The following NDST4 variants were observed in gnomAD, a reference collection of about 807,000 sequenced individuals.
NDST4 encodes N-deacetylase and N-sulfotransferase 4, also known as N-heparan sulfate sulfotransferase 4.
A neutral mutation model predicts 100.8 loss-of-function variants in NDST4; 63 were observed. That is an observed-to-expected ratio of 0.62 (90% confidence interval 0.51 to 0.77). The LOEUF is 0.77. NDST4 is among the 30% of genes least tolerant of loss of function. NDST4 has a pLI of 0.00. For missense variants in NDST4, 943 were observed against 1,018.4 expected (o/e 0.93, Z 1.01); for synonymous variants, 377 against 361.8 (o/e 1.04, Z -0.48).
At chr4:115,035,608 CTG>C (rs1385410722) in intron 2 of NDST4, among the ~76,000 whole-genome samples, 2 of 151,906 alleles carry the variant, frequency 1.3e-5, no homozygotes, top group Admixed American at 6.6e-5. Context: ...AAAATACATG[CTG>C]TGTTATTTAA....
At chr4:114,906,229 A>G (rs951056061) in intron 6 of NDST4, among the ~76,000 whole-genome samples, 2 of 152,050 alleles carry the variant, frequency 1.3e-5, no homozygotes, top group African/African-American at 4.8e-5. Flanking sequence ...AGATAGACTT[A>G]GTCATATTTA....
intron 7 of NDST4, among the ~76,000 whole-genome samples, chr4:114,858,527 C>G (rs765485766): frequency 7.9e-5 from 12 of 152,212 alleles, no homozygotes; most frequent in Admixed American, 2.6e-4. Flanking sequence ...TTGAAAGATA[C>G]AGTTGAGGTA....
At chr4:114,847,200 C>A (rs1416991098) in intron 9 of NDST4, among the ~76,000 whole-genome samples, 1 of 134,680 alleles carries the variant, frequency 7.4e-6, no homozygotes, top group Non-Finnish European at 1.5e-5. Flanking sequence ...AACGGTGAAA[C>A]CCCGTCTCTA....
At chr4:115,099,050 A>G (rs1729677450) in intron 1 of NDST4, among the ~76,000 whole-genome samples, 1 of 152,212 alleles carries the variant, frequency 6.6e-6, no homozygotes, top group African/African-American at 2.4e-5. Context: ...TGCAATGCAG[A>G]AAGGATAGCC....
At chr4:114,845,027 A>G (rs1723513345) in intron 10 of NDST4, among the ~76,000 whole-genome samples, 1 of 150,872 alleles carries the variant, frequency 6.6e-6, no homozygotes, top group South Asian at 2.1e-4. Context: ...AATTGTTGTC[A>G]AGATACTAAA....
At chr4:114,958,912 T>G (rs1231743863) in intron 4 of NDST4, among the ~76,000 whole-genome samples, 1 of 152,180 alleles carries the variant, frequency 6.6e-6, no homozygotes, top group Non-Finnish European at 1.5e-5. Flanking sequence ...TGAATAAAAC[T>G]GAATGATTTT....
intron 2 of NDST4, among the ~76,000 whole-genome samples, chr4:115,025,156 A>G (rs923515485): frequency 1.3e-5 from 2 of 152,060 alleles, no homozygotes; most frequent in Non-Finnish European, 2.9e-5. Flanking sequence ...GACCCCACAA[A>G]TCTCCCTTAG....
intron 1 of NDST4, among the ~76,000 whole-genome samples, chr4:115,079,457 G>A (rs1729257828): frequency 1.3e-5 from 2 of 151,206 alleles, no homozygotes; most frequent in African/African-American, 4.9e-5. Flanking sequence ...AGATGATTCT[G>A]ACTTCAATGA....
chr4:114,962,484 A>T (rs1355760570), intron 4 of NDST4, among the ~76,000 whole-genome samples: 1 of 152,084 alleles, frequency 6.6e-6, no homozygotes, highest in East Asian at 1.9e-4. Flanking sequence ...TACAAGAGCC[A>T]TATACAAATA....
intron 2 of NDST4, among the ~76,000 whole-genome samples, chr4:115,038,172 A>G (rs28633393): frequency 0.095 from 14,395 of 152,234 alleles, 2,093 homozygotes; most frequent in African/African-American, 0.31. Context: ...ACGAGGAAGT[A>G]AGAAACTATA....
intron 6 of NDST4, among the ~76,000 whole-genome samples, chr4:114,909,932 G>A (rs1725030599): frequency 6.6e-6 from 1 of 152,058 alleles, no homozygotes; most frequent in African/African-American, 2.4e-5. Flanking sequence ...GAGCTCTTCT[G>A]GGTTGGCATA....
intron 2 of NDST4, among the ~76,000 whole-genome samples, chr4:115,061,583 T>C (rs917649089): frequency 1.3e-5 from 2 of 151,386 alleles, no homozygotes; most frequent in Non-Finnish European, 2.9e-5. Context: ...TGAAAACACA[T>C]TGACACAGGG....
chr4:115,050,457 G>A (rs754068558), intron 2 of NDST4, among the ~76,000 whole-genome samples: 1 of 151,772 alleles, frequency 6.6e-6, no homozygotes, highest in African/African-American at 2.4e-5. Flanking sequence ...TGTTTAGAAT[G>A]TAAGATTGTT....
chr4:115,106,919 C>T (rs1389729058), intron 1 of NDST4, among the ~76,000 whole-genome samples: 1 of 152,072 alleles, frequency 6.6e-6, no homozygotes. Context: ...CTTTGTCAGG[C>T]TGAGGTAGGA....
chr4:115,030,480 C>G (rs1428987469), intron 2 of NDST4, among the ~76,000 whole-genome samples: 1 of 152,060 alleles, frequency 6.6e-6, no homozygotes, highest in East Asian at 1.9e-4. Context: ...GTCATCTTGA[C>G]AGGAACCATA....
At chr4:115,092,690 C>G (rs923099881) in intron 1 of NDST4, among the ~76,000 whole-genome samples, 1 of 151,932 alleles carries the variant, frequency 6.6e-6, no homozygotes, top group African/African-American at 2.4e-5. Context: ...ATTGTAGTTT[C>G]TAGTGAAACC....
chr4:114,912,753 G>C lies in NDST4; in HGVS notation c.1536+22453C>G, dbSNP rs535798062. ...GTATCTGAATCCATTTTGGGGGCAA[G>C]AATTATCATGTCTGCTTCACTGTTT... On this transcript the variant is annotated intron_variant, in intron 6 of 13. Coordinates refer to ENST00000264363, the MANE Select transcript of NDST4 (RefSeq NM_022569.3). 3.9e-5 allele frequency among the ~76,000 whole-genome samples: 6 copies of C among 152,160 alleles called. No individual in the cohort carries two copies. The South Asian group carries it at 8.3e-4, about 21-fold the overall frequency.
intron 2 of NDST4, among the ~76,000 whole-genome samples, chr4:115,021,733 T>G (rs111162283): frequency 6.8e-6 from 1 of 147,994 alleles, no homozygotes; most frequent in Non-Finnish European, 1.5e-5. Flanking sequence ...ACGTTCCACA[T>G]CTATACACAT....
chr4:115,049,687 G>C (rs1560580491), intron 2 of NDST4, among the ~76,000 whole-genome samples: 2 of 152,092 alleles, frequency 1.3e-5, no homozygotes, highest in Non-Finnish European at 2.9e-5. Context: ...TGTAGAGCAG[G>C]GATTAAATCT....
Sources: gnomAD v4.1 joint callset for allele counts (sites outside exome capture counted in the v4.1 genomes callset) on GRCh38, gnomAD v4.1.1 for gene constraint, MANE v1.5 for transcripts, NCBI Gene and HGNC (gene_info 2026-07-23, HGNC 2026-07-21) for gene names.